Variants in ADAM12 observed in about 807,000 individuals in gnomAD.
The protein encoded by ADAM12 is disintegrin and metalloproteinase domain-containing protein 12.
In ADAM12, 70 loss-of-function variants were observed where a neutral mutation model predicts 106.4. The ratio of observed to expected loss-of-function variants is 0.66; its 90% CI spans 0.54 to 0.80. The LOEUF (loss-of-function observed/expected upper bound fraction) is 0.80. Among genes scored for constraint, ADAM12 ranks in the 30% least tolerant of loss-of-function variants. The pLI, the probability that ADAM12 is intolerant of heterozygous loss-of-function variation, is 0.00. For missense variants in ADAM12, 1,010 were observed against 1,171.9 expected, an observed-to-expected ratio of 0.86 and a Z score of 2.02; for synonymous variants, 420 against 433.5, an observed-to-expected ratio of 0.97 and a Z score of 0.39.
chr10:126,231,029 G>C (rs1272032819), intron 3 of ADAM12, among the ~76,000 whole-genome samples: 1 of 152,118 alleles, frequency 6.6e-6, no homozygotes, highest in Non-Finnish European at 1.5e-5. Flanking sequence ...ATTTTATTAA[G>C]AACGTAAGAC....
intron 1 of ADAM12, among the ~76,000 whole-genome samples, chr10:126,366,787 T>C (rs1855927430): frequency 6.6e-6 from 1 of 152,148 alleles, no homozygotes; most frequent in Non-Finnish European, 1.5e-5. Context: ...GCCATATCAA[T>C]GTTAGTCAAA....
intron 2 of ADAM12, among the ~76,000 whole-genome samples, chr10:126,318,506 TCTCA>T (rs1442793957): frequency 1.4e-5 from 2 of 146,272 alleles, no homozygotes; most frequent in Non-Finnish European, 3.0e-5. Flanking sequence ...AGCCACACTC[TCTCA>T]CACACACTCA....
intron 3 of ADAM12, among the ~76,000 whole-genome samples, chr10:126,253,183 G>A (rs1590687974): frequency 6.6e-6 from 1 of 152,050 alleles, no homozygotes; most frequent in Admixed American, 6.6e-5. Flanking sequence ...TCCCTGCAGG[G>A]TCCAGCACAG....
intron 1 of ADAM12, among the ~76,000 whole-genome samples, chr10:126,385,468 G>A (rs1856630548): frequency 6.6e-6 from 1 of 152,162 alleles, no homozygotes; most frequent in Non-Finnish European, 1.5e-5. Context: ...GGAACCAGGG[G>A]CAGAGACATA....
intron 3 of ADAM12, among the ~76,000 whole-genome samples, chr10:126,171,618 G>C (rs1023363675): frequency 6.6e-6 from 1 of 152,126 alleles, no homozygotes; most frequent in Admixed American, 6.5e-5. Flanking sequence ...TTGCGTATGG[G>C]ACAAAACCAG....
intron 3 of ADAM12, among the ~76,000 whole-genome samples, chr10:126,232,082 G>T (rs1290614586): frequency 6.6e-6 from 1 of 152,078 alleles, no homozygotes; most frequent in Non-Finnish European, 1.5e-5. Context: ...CCTCCCCAAA[G>T]ATGTACACAT....
intron 7 of ADAM12, among the ~76,000 whole-genome samples, chr10:126,109,416 C>A (rs1024101940): frequency 3.3e-5 from 5 of 152,142 alleles, no homozygotes; most frequent in Admixed American, 1.3e-4. Context: ...TGATTAATGA[C>A]ATATGGGATA....
intron 2 of ADAM12, among the ~76,000 whole-genome samples, chr10:126,326,143 G>A (rs576688033): frequency 1.3e-5 from 2 of 152,110 alleles, no homozygotes; most frequent in East Asian, 3.9e-4. Flanking sequence ...GGCATTGGAT[G>A]CAGCATCAAT....
At chr10:126,041,552 A>G (rs1954170398) in intron 18 of ADAM12, 3 of 985,510 alleles carry the variant, frequency 3.0e-6, no homozygotes, top group South Asian at 4.7e-5. Context: ...CCTTTCTCCT[A>G]CCTTCTTCTC....
chr10:126,309,913 CT>C (rs1379876051), intron 2 of ADAM12, among the ~76,000 whole-genome samples: 1 of 152,052 alleles, frequency 6.6e-6, no homozygotes, highest in Admixed American at 6.6e-5. Context: ...AATCCCAGCA[CT>C]TTGGGAGGCT....
chr10:126,335,830 C>T (rs955692955), intron 1 of ADAM12, among the ~76,000 whole-genome samples: 2 of 152,114 alleles, frequency 1.3e-5, no homozygotes, highest in Non-Finnish European at 1.5e-5. Context: ...CGACCCTTGA[C>T]GTGATGTGAT....
In ADAM12 at chr10:126,036,169, T is replaced by TGGCTGGCAGGG; in HGVS notation, c.2495_2505dup (p.Lys836ProfsTer104). 6.7e-7 allele frequency: 1 copy of TGGCTGGCAGGG among 1,496,494 alleles called. No individual in the cohort carries two copies. The highest frequency in any genetic ancestry group is 8.9e-7 in the Non-Finnish European group (1 of 1,127,478). The allele number at this position is 1,496,494 out of a possible 1,614,324, so 92.7% of individuals were successfully genotyped here. A position where few individuals can be genotyped will look rare whatever the true frequency, so the allele number is the denominator to read the frequency against. On this transcript the variant is annotated frameshift_variant, in exon 21 of 23. Coordinates refer to ENST00000448723, the MANE Select transcript of ADAM12 (RefSeq NM_001288973.2). LOFTEE classifies it high-confidence loss of function. ...ACCTGGGCCTGCCTAAGTGCAGGCT[T>TGGCTGGCAGGG]GGCTGGCAGGGGTCTGGCAGGGACG... is the stretch of plus-strand genomic sequence containing the variant.
chr10:126,275,273 C>A (rs1959215381), intron 3 of ADAM12, among the ~76,000 whole-genome samples: 1 of 152,106 alleles, frequency 6.6e-6, no homozygotes, highest in South Asian at 2.1e-4. Context: ...TAAGGGATGG[C>A]CTGAGAGTCC....
At chr10:126,231,610 G>T (rs1958313671) in intron 3 of ADAM12, among the ~76,000 whole-genome samples, 1 of 152,074 alleles carries the variant, frequency 6.6e-6, no homozygotes, top group Admixed American at 6.5e-5. Flanking sequence ...TGTCACCAAG[G>T]TCACCCATTA....
intron 2 of ADAM12, among the ~76,000 whole-genome samples, chr10:126,306,660 A>C (rs1264082911): frequency 6.6e-6 from 1 of 152,154 alleles, no homozygotes; most frequent in East Asian, 1.9e-4. Context: ...CTGCATTGGC[A>C]GTTTTTCTTA....
rs1276393292 is a variant in ADAM12, at chr10:126,053,919, G to A, written c.1610-4250C>T. Among the ~76,000 whole-genome samples the A allele has an allele frequency of 1.3e-5, 2 of 151,926 alleles. No individual in the cohort carries two copies. Among genetic ancestry groups the A allele is most frequent in the East Asian group, 3.9e-4 (2 of 5,146 alleles). On this transcript the variant is annotated intron_variant, in intron 14 of 22. Coordinates refer to ENST00000448723, the MANE Select transcript of ADAM12 (RefSeq NM_001288973.2). The surrounding 1 kb of genome is among the most constrained non-coding windows in gnomAD (Gnocchi z 4.6). ...ATGGGGTTTCACCATGTTGGCCAGG[G>A]TGGTCTCGAACTCCTGACCTCAGGT...
chr10:126,308,847 T>C (rs550984345), intron 2 of ADAM12, among the ~76,000 whole-genome samples: 1 of 152,292 alleles, frequency 6.6e-6, no homozygotes, highest in African/African-American at 2.4e-5. Flanking sequence ...TAATATCGTA[T>C]CCATTGTTGA....
intron 1 of ADAM12, among the ~76,000 whole-genome samples, chr10:126,345,521 G>A (rs1426186155): frequency 6.6e-6 from 1 of 152,156 alleles, no homozygotes; most frequent in Non-Finnish European, 1.5e-5. Flanking sequence ...TTGGTATCAG[G>A]ATGATGCTGG....
Position 126,388,095 on chromosome 10 carries a change from G to A in ADAM12, c.51C>T (p.Ala17=). The change falls in exon 1 of 23, where the codon GCC becomes GCT. Residue 17 remains alanine (A), a synonymous_variant. Transcript: ENST00000448723. This position sits in a 1 kb window ranked among gnomAD's most constrained non-coding sequence, Gnocchi z 4.4. ...PVSPARALLL[A]LAGALLAPCE... is the part of the protein sequence containing the mutation. Reference sequence around the variant, plus strand: ...AGGGCGCGAGCAGAGCACCGGCCAGGGCGAGCAGGAGGGCGCGGGCGGGGG... The same window carrying A: ...AGGGCGCGAGCAGAGCACCGGCCAGAGCGAGCAGGAGGGCGCGGGCGGGGG... The A allele has an allele frequency of 8.1e-7, 1 of 1,234,584 alleles. No homozygotes were observed. Among genetic ancestry groups the A allele is most frequent in the Non-Finnish European group, 1.0e-6 (1 of 988,316 alleles). The allele number at this position is 1,234,584 out of a possible 1,614,324, so 76.5% of individuals were successfully genotyped here.
Sources: allele counts gnomAD v4.1 joint callset (sites outside exome capture counted in the v4.1 genomes callset), GRCh38; gene constraint gnomAD v4.1.1; non-coding constraint Gnocchi (gnomAD v3.1); transcripts MANE v1.5; gene names NCBI Gene and HGNC (gene_info 2026-07-23, HGNC 2026-07-21).